The following GRM8 variants were observed in gnomAD, a reference collection of about 807,000 sequenced individuals.
GRM8 encodes metabotropic glutamate receptor 8.
A neutral mutation model predicts 87.2 loss-of-function variants in GRM8; 47 were observed. The ratio of observed to expected loss-of-function variants is 0.54; its 90% CI spans 0.43 to 0.69. The LOEUF is 0.69. GRM8 is among the 30% of genes least tolerant of loss of function. The probability of loss-of-function intolerance (pLI) is 0.00; values close to 1 mark genes in which losing one functional copy is unlikely to be tolerated. For missense variants in GRM8, 1,019 were observed against 1,139.2 expected, an observed-to-expected ratio of 0.89 and a Z score of 1.52; for synonymous variants, 396 against 404.5, an observed-to-expected ratio of 0.98 and a Z score of 0.25.
intron 7 of GRM8, among the ~76,000 whole-genome samples, chr7:126,762,320 T>C (rs1376530627): frequency 1.3e-5 from 2 of 152,036 alleles, no homozygotes; most frequent in Non-Finnish European, 2.9e-5. Flanking sequence ...ACTCAAATAT[T>C]AGATCATTTT....
chr7:126,903,715 GTATATATATATGTATATGTGTA>G lies in GRM8; in HGVS notation c.1018+235_1018+256del, dbSNP rs1425485808. On this transcript the variant is annotated intron_variant, in intron 5 of 10. Coordinates refer to ENST00000339582, the MANE Select transcript of GRM8 (RefSeq NM_000845.3). ...TATGTGTATATATATATGTATATGT[GTATATATATATGTATATGTGTA>G]TATATATATGTATATGTGTATATAT... is the stretch of plus-strand genomic sequence containing the variant. 4.5e-3 allele frequency among the ~76,000 whole-genome samples: 599 copies of G among 132,100 alleles called. 13 individuals are homozygous for G. The highest frequency in any genetic ancestry group is 7.2e-3 in the Non-Finnish European group (449 of 62,632). The allele number at this position is 132,100 out of a possible 152,430, so 86.7% of individuals were successfully genotyped here. A position where few individuals can be genotyped will look rare whatever the true frequency, so the allele number is the denominator to read the frequency against.
At chr7:126,916,905 G>C (rs1352553672) in intron 3 of GRM8, among the ~76,000 whole-genome samples, 7 of 152,120 alleles carry the variant, frequency 4.6e-5, no homozygotes, top group Non-Finnish European at 8.8e-5. Context: ...TGTTTCCCTA[G>C]GTAATGCAAG....
chr7:126,483,915 TA>T (rs1250008556), intron 9 of GRM8, among the ~76,000 whole-genome samples: 1 of 151,866 alleles, frequency 6.6e-6, no homozygotes, highest in African/African-American at 2.4e-5. Flanking sequence ...AGAGTGTAAA[TA>T]AACATGTTAT....
intron 3 of GRM8, among the ~76,000 whole-genome samples, chr7:127,036,538 C>A (rs948179640): frequency 6.6e-6 from 1 of 152,186 alleles, no homozygotes; most frequent in Non-Finnish European, 1.5e-5. Context: ...CTTTAATGCC[C>A]ATTTTGCAAG....
At chr7:126,763,933 A>G (rs1817906825) in intron 7 of GRM8, among the ~76,000 whole-genome samples, 1 of 152,000 alleles carries the variant, frequency 6.6e-6, no homozygotes, top group African/African-American at 2.4e-5. Context: ...GTCTCTCAGT[A>G]AAGTTGTCTT....
At chr7:126,769,342 G>A (rs553827019) in intron 7 of GRM8, among the ~76,000 whole-genome samples, 26 of 152,040 alleles carry the variant, frequency 1.7e-4, no homozygotes, top group Non-Finnish European at 3.4e-4. Flanking sequence ...CCTACATTGT[G>A]TGCATCCCTT....
intron 3 of GRM8, among the ~76,000 whole-genome samples, chr7:126,992,630 G>A (rs141774405): frequency 7.8e-4 from 119 of 152,274 alleles, no homozygotes; most frequent in Middle Eastern, 6.8e-3. Flanking sequence ...TTTCTATGGA[G>A]TGAATTTTGT....
At chr7:126,927,746 G>A (rs1182762878) in intron 3 of GRM8, among the ~76,000 whole-genome samples, 2 of 152,148 alleles carry the variant, frequency 1.3e-5, no homozygotes, top group Non-Finnish European at 2.9e-5. Context: ...TGGAGAAATA[G>A]GAACACTTTT....
chr7:126,961,181 G>T lies in GRM8; in HGVS notation c.728-56498C>A, dbSNP rs140392123. ...AGAAATCCTTTCTCTATGTAAAAAG[G>T]TTAAGCTTGGGAAAAAAAAGTGAAA... On this transcript the variant is annotated intron_variant, in intron 3 of 10. Transcript: ENST00000339582. Among the ~76,000 whole-genome samples the T allele has an allele frequency of 4.2e-3, 646 of 152,192 alleles. 6 individuals are homozygous for T. Among genetic ancestry groups the T allele is most frequent in the African/African-American group, 0.014 (583 of 41,520 alleles).
At chr7:126,863,702 A>AT (rs1798341339) in intron 6 of GRM8, among the ~76,000 whole-genome samples, 1 of 152,020 alleles carries the variant, frequency 6.6e-6, no homozygotes, top group African/African-American at 2.4e-5. Flanking sequence ...AGTCTTCTAT[A>AT]TTTTTTCTAA....
chr7:127,153,480 T>A (rs535539036), intron 2 of GRM8, among the ~76,000 whole-genome samples: 4 of 152,098 alleles, frequency 2.6e-5, no homozygotes, highest in Non-Finnish European at 4.4e-5. Flanking sequence ...ATGGTATGGG[T>A]CAGATATCTT....
intron 3 of GRM8, among the ~76,000 whole-genome samples, chr7:126,968,458 A>G (rs1810089533): frequency 6.6e-6 from 1 of 152,168 alleles, no homozygotes; most frequent in African/African-American, 2.4e-5. Context: ...ACCAATGATT[A>G]TGTCTATAAA....
At chr7:127,060,911 C>A (rs1820539743) in intron 3 of GRM8, among the ~76,000 whole-genome samples, 1 of 152,080 alleles carries the variant, frequency 6.6e-6, no homozygotes, top group South Asian at 2.1e-4. Context: ...GTTCAGGGTT[C>A]CACATATTTG....
chr7:126,517,710 T>G (rs1219044792), intron 9 of GRM8, among the ~76,000 whole-genome samples: 1 of 152,088 alleles, frequency 6.6e-6, no homozygotes, highest in Non-Finnish European at 1.5e-5. Context: ...CAACTTGCAC[T>G]AATATCTTCA....
intron 3 of GRM8, among the ~76,000 whole-genome samples, chr7:126,957,828 C>G (rs1808888689): frequency 6.6e-6 from 1 of 152,190 alleles, no homozygotes; most frequent in Non-Finnish European, 1.5e-5. Flanking sequence ...GATCCTCGCC[C>G]ACTTACAAGC....
intron 9 of GRM8, among the ~76,000 whole-genome samples, chr7:126,452,585 A>G (rs1802748085): frequency 6.6e-6 from 1 of 151,654 alleles, no homozygotes; most frequent in African/African-American, 2.4e-5. Flanking sequence ...CTGAAACTAC[A>G]AAATATCAGA....
At chr7:127,008,101 T>A (rs1207498842) in intron 3 of GRM8, among the ~76,000 whole-genome samples, 1 of 151,910 alleles carries the variant, frequency 6.6e-6, no homozygotes, top group Non-Finnish European at 1.5e-5. Flanking sequence ...AAAGTCAGAC[T>A]TAAGAGGTAC....
intron 7 of GRM8, among the ~76,000 whole-genome samples, chr7:126,746,430 A>G (rs959577994): frequency 6.6e-6 from 1 of 151,778 alleles, no homozygotes; most frequent in African/African-American, 2.4e-5. Context: ...AGATATTATT[A>G]TTGCTTTATT....
At chr7:126,912,001 T>G (rs1803354745) in intron 3 of GRM8, among the ~76,000 whole-genome samples, 1 of 152,068 alleles carries the variant, frequency 6.6e-6, no homozygotes, top group African/African-American at 2.4e-5. Context: ...AAGACCATCC[T>G]GGCTAACACA....
Sources: allele counts gnomAD v4.1 joint callset (sites outside exome capture counted in the v4.1 genomes callset), GRCh38; gene constraint gnomAD v4.1.1; transcripts MANE v1.5; gene names NCBI Gene and HGNC (gene_info 2026-07-23, HGNC 2026-07-21).